Variants in MSN observed in about 807,000 individuals in gnomAD.
MSN encodes epididymis luminal protein 70.
A neutral mutation model predicts 48.0 loss-of-function variants in MSN; 2 were observed. That is an observed-to-expected ratio of 0.04 (90% CI 0.02 to 0.13). The LOEUF (loss-of-function observed/expected upper bound fraction) is 0.13, where lower values mean the gene tolerates loss of function less well. MSN is among the 10% of genes least tolerant of loss of function. The pLI is 1.00. For synonymous variants in MSN, 146 were observed against 166.9 expected, an observed-to-expected ratio of 0.87 and a Z score of 0.97; for missense variants, 267 against 470.1, an observed-to-expected ratio of 0.57 and a Z score of 3.99.
At chrX:65,654,661 GA>G (rs1304373814) in intron 1 of MSN, among the ~76,000 whole-genome samples, 3 of 108,908 alleles carry the variant, frequency 2.8e-5, no homozygotes, top group Non-Finnish European at 1.9e-5. Flanking sequence ...ATATACTAAA[GA>G]AAAAAAAATG....
chrX:65,643,022 A>C (rs1479033991), intron 1 of MSN, among the ~76,000 whole-genome samples: 1 of 110,619 alleles, frequency 9.0e-6, no homozygotes, highest in Non-Finnish European at 1.9e-5. Context: ...TGACCTGTGG[A>C]AACTGCAGGT....
At chrX:65,739,224 A>G in intron 12 of MSN, 30 bp downstream of exon 12, 2 of 1,149,706 alleles carry the variant, frequency 1.7e-6, no homozygotes, top group Non-Finnish European at 2.4e-6. Flanking sequence ...GGGCAAGGAA[A>G]CTATATGCAT....
chrX:65,675,733 G>A (rs767911112), intron 1 of MSN, among the ~76,000 whole-genome samples: 1 of 111,220 alleles, frequency 9.0e-6, no homozygotes, highest in Non-Finnish European at 1.9e-5. Context: ...CGCCTCCTGG[G>A]TTCAAGCGAT....
chrX:65,652,189 C>A (rs1217727153), intron 1 of MSN, among the ~76,000 whole-genome samples: 1 of 110,500 alleles, frequency 9.0e-6, no homozygotes, highest in Admixed American at 9.7e-5. Flanking sequence ...AAGATGGGGG[C>A]AACTAGAATG....
chrX:65,614,142 G>T (rs938234777), intron 1 of MSN, among the ~76,000 whole-genome samples: 6 of 111,644 alleles, frequency 5.4e-5, no homozygotes, highest in African/African-American at 9.8e-5. Context: ...TTTCCCCATT[G>T]CTTGTTTTTG....
intron 1 of MSN, among the ~76,000 whole-genome samples, chrX:65,633,599 A>G (rs2070575638): frequency 9.0e-6 from 1 of 111,699 alleles, no homozygotes; most frequent in Non-Finnish European, 1.9e-5. Context: ...AGTGAAATTC[A>G]GAAAACTTTG....
chrX:65,630,849 A>T, intron 1 of MSN, among the ~76,000 whole-genome samples: 1 of 111,630 alleles, frequency 9.0e-6, no homozygotes, highest in East Asian at 2.8e-4. Context: ...CCTTTTAAAA[A>T]TTTTTTGAAA....
upstream of MSN, among the ~76,000 whole-genome samples, chrX:65,664,318 T>C (rs2070849737): frequency 9.0e-6 from 1 of 111,042 alleles, no homozygotes; most frequent in Non-Finnish European, 1.9e-5. Flanking sequence ...TGAAAACTAC[T>C]AGAGGTGGGA....
intron 1 of MSN, among the ~76,000 whole-genome samples, chrX:65,681,188 T>G (rs748363747): frequency 2.7e-5 from 3 of 111,826 alleles, no homozygotes; most frequent in African/African-American, 9.7e-5. Context: ...ATTGGAAACT[T>G]TCTTTATTAC....
chrX:65,645,430 G>A (rs1383994576), intron 1 of MSN, among the ~76,000 whole-genome samples: 4 of 108,555 alleles, frequency 3.7e-5, no homozygotes, highest in Non-Finnish European at 7.6e-5. Flanking sequence ...CCTAAAGCAT[G>A]TTTGTCGGGA....
intron 1 of MSN, among the ~76,000 whole-genome samples, chrX:65,686,885 T>C (rs1486544580): frequency 8.9e-6 from 1 of 112,429 alleles, no homozygotes; most frequent in African/African-American, 3.2e-5. Flanking sequence ...CAGTAGAGTA[T>C]ATCAGTAGAT....
At chrX:65,625,098 C>G (rs1292936151) in intron 1 of MSN, 1 of 112,141 alleles carries the variant, frequency 8.9e-6, no homozygotes, top group East Asian at 2.8e-4. Context: ...TCCAGTTTTC[C>G]TTTAGTTATT....
At chrX:65,649,045 A>T (rs1488339285) in intron 1 of MSN, among the ~76,000 whole-genome samples, 1 of 109,384 alleles carries the variant, frequency 9.1e-6, no homozygotes, top group Non-Finnish European at 1.9e-5. Flanking sequence ...TGGGATGCCA[A>T]ATCCTGTGAC....
intron 1 of MSN, among the ~76,000 whole-genome samples, chrX:65,657,966 C>T (rs1367359057): frequency 8.9e-6 from 1 of 111,982 alleles, no homozygotes; most frequent in Non-Finnish European, 1.9e-5. Flanking sequence ...TCATTTCTAC[C>T]AATGTAACTG....
chrX:65,610,620 A>G (rs28870790), intron 1 of MSN, among the ~76,000 whole-genome samples: 26,754 of 111,491 alleles, frequency 0.24, 7,715 homozygotes, highest in African/African-American at 0.83. Context: ...GGTGTATACC[A>G]AGGAGTGGAA....
chrX:65,637,435 G>T (rs2070614170), intron 1 of MSN, among the ~76,000 whole-genome samples: 1 of 106,932 alleles, frequency 9.4e-6, no homozygotes, highest in Non-Finnish European at 1.9e-5. Context: ...AGAAAGAAAA[G>T]AAAAGTAAAA....
chrX:65,713,545 G>A (rs2071433803), intron 1 of MSN, among the ~76,000 whole-genome samples: 1 of 112,186 alleles, frequency 8.9e-6, no homozygotes, highest in Non-Finnish European at 1.9e-5. Context: ...CTAAGGCCCA[G>A]GAAAAGGACA....
chrX:65,632,264 T>C (rs2070564553), intron 1 of MSN, among the ~76,000 whole-genome samples: 1 of 111,634 alleles, frequency 9.0e-6, no homozygotes, highest in African/African-American at 3.3e-5. Flanking sequence ...TTTGGCCCCC[T>C]TTTACCGTCT....
chrX:65,652,207 C>A (rs2070747656), intron 1 of MSN, among the ~76,000 whole-genome samples: 1 of 110,625 alleles, frequency 9.0e-6, no homozygotes, highest in South Asian at 3.9e-4. Context: ...ATGTGGAGCA[C>A]CGGAAGGCTG....
Sources: allele counts gnomAD v4.1 joint callset (sites outside exome capture counted in the v4.1 genomes callset), GRCh38; gene constraint gnomAD v4.1.1; transcripts MANE v1.5; gene names NCBI Gene and HGNC (gene_info 2026-07-23, HGNC 2026-07-21).